The following STUM variants were observed in gnomAD, a reference collection of about 807,000 sequenced individuals.
The protein encoded by STUM is protein stum homolog.
In STUM, 8 loss-of-function variants were observed where a neutral mutation model predicts 15.3. That is an observed-to-expected ratio of 0.52 (90% confidence interval 0.31 to 0.94). STUM has a LOEUF of 0.94. STUM is among the 40% of genes least tolerant of loss of function. The pLI, the probability that STUM is intolerant of heterozygous loss-of-function variation, is 0.05. For missense variants in STUM, 142 were observed against 204.9 expected (o/e 0.69, Z 1.87); for synonymous variants, 78 against 88.7 (o/e 0.88, Z 0.68).
At chr1:226,566,636 C>T (rs1667630608) in intron 1 of STUM, among the ~76,000 whole-genome samples, 1 of 152,132 alleles carries the variant, frequency 6.6e-6, no homozygotes, top group Admixed American at 6.5e-5. Context: ...AAAGTGCAAC[C>T]TCTTAATAGA....
intron 1 of STUM, among the ~76,000 whole-genome samples, chr1:226,589,567 TG>T (rs2102706996): frequency 6.6e-6 from 1 of 152,346 alleles, no homozygotes; most frequent in Admixed American, 6.5e-5. Context: ...AGGCCTCTGC[TG>T]CCTGCCTTTC....
intron 1 of STUM, among the ~76,000 whole-genome samples, chr1:226,550,132 A>G (rs1213974986): frequency 6.6e-6 from 1 of 152,176 alleles, no homozygotes; most frequent in Non-Finnish European, 1.5e-5. Flanking sequence ...CCTGTTGCCA[A>G]CGTATGGTTC....
At chr1:226,570,844 T>C (rs1558280796) in intron 1 of STUM, among the ~76,000 whole-genome samples, 1 of 152,232 alleles carries the variant, frequency 6.6e-6, no homozygotes. Flanking sequence ...CTCAGAATAA[T>C]GGTTTTTTTA....
At chr1:226,583,415 T>G (rs974946477) in intron 1 of STUM, among the ~76,000 whole-genome samples, 1 of 152,252 alleles carries the variant, frequency 6.6e-6, no homozygotes, top group African/African-American at 2.4e-5. Flanking sequence ...TAACTTCTAA[T>G]GAGTGCTCGG....
chr1:226,599,861 C>T (rs1295111215), intron 2 of STUM, among the ~76,000 whole-genome samples: 1 of 152,222 alleles, frequency 6.6e-6, no homozygotes, highest in African/African-American at 2.4e-5. Flanking sequence ...CACATGTTCT[C>T]AGCACAGGGC....
At chr1:226,558,752 T>C (rs991103262) in intron 1 of STUM, among the ~76,000 whole-genome samples, 1 of 152,210 alleles carries the variant, frequency 6.6e-6, no homozygotes, top group African/African-American at 2.4e-5. Flanking sequence ...TATTTTACAA[T>C]AAAAATTAGA....
At chr1:226,562,993 C>T (rs1243710242) in intron 1 of STUM, among the ~76,000 whole-genome samples, 1 of 152,090 alleles carries the variant, frequency 6.6e-6, no homozygotes, top group African/African-American at 2.4e-5. Flanking sequence ...GCAGCTTATT[C>T]ACAAATGGTT....
At chr1:226,579,393 CA>C (rs1204159289) in intron 1 of STUM, among the ~76,000 whole-genome samples, 1 of 152,178 alleles carries the variant, frequency 6.6e-6, no homozygotes, top group African/African-American at 2.4e-5. Flanking sequence ...GCTGGGAATA[CA>C]GTGGTATCAG....
At chr1:226,564,997 A>G (rs1571797353) in intron 1 of STUM, among the ~76,000 whole-genome samples, 1 of 151,926 alleles carries the variant, frequency 6.6e-6, no homozygotes, top group South Asian at 2.1e-4. Flanking sequence ...CCTGCTCTGG[A>G]CCCGAGGAGG....
At chr1:226,578,898 A>C (rs757491390) in intron 1 of STUM, among the ~76,000 whole-genome samples, 20 of 152,178 alleles carry the variant, frequency 1.3e-4, no homozygotes, top group South Asian at 2.1e-4. Context: ...AAAAAGTCAC[A>C]CTGAAGTATT....
chr1:226,560,789 G>A (rs984782026), intron 1 of STUM, among the ~76,000 whole-genome samples: 11 of 152,298 alleles, frequency 7.2e-5, no homozygotes, highest in Middle Eastern at 3.4e-3. Flanking sequence ...TCTGTTAGCA[G>A]ACTAAGCACA....
intron 1 of STUM, among the ~76,000 whole-genome samples, chr1:226,586,911 A>C (rs1340176096): frequency 6.6e-6 from 1 of 152,170 alleles, no homozygotes; most frequent in African/African-American, 2.4e-5. Context: ...CCTGGCCATT[A>C]CACAACCACC....
chr1:226,590,882 C>T (rs1269280275), intron 1 of STUM, among the ~76,000 whole-genome samples: 1 of 152,232 alleles, frequency 6.6e-6, no homozygotes, highest in Admixed American at 6.5e-5. Context: ...TGAAGTCTTT[C>T]CTGCTACGGC....
chr1:226,577,674 G>A (rs1203902649), intron 1 of STUM, among the ~76,000 whole-genome samples: 1 of 152,188 alleles, frequency 6.6e-6, no homozygotes, highest in Non-Finnish European at 1.5e-5. Context: ...GGGAGTAAGG[G>A]CAACTGAAAG....
intron 1 of STUM, among the ~76,000 whole-genome samples, chr1:226,573,189 A>G (rs990565670): frequency 6.6e-6 from 1 of 152,216 alleles, no homozygotes; most frequent in African/African-American, 2.4e-5. Flanking sequence ...TCGGTCTGCC[A>G]TTCCTGACCG....
chr1:226,559,756 G>A (rs993072200), intron 1 of STUM, among the ~76,000 whole-genome samples: 1 of 152,186 alleles, frequency 6.6e-6, no homozygotes, highest in Non-Finnish European at 1.5e-5. Flanking sequence ...GGAGGATCAC[G>A]AGGTCAGGAG....
At chr1:226,573,351 C>T (rs1014075774) in intron 1 of STUM, among the ~76,000 whole-genome samples, 5 of 152,188 alleles carry the variant, frequency 3.3e-5, no homozygotes, top group African/African-American at 9.7e-5. Context: ...TTAGTCACGA[C>T]TCTTTCAGTT....
intron 1 of STUM, among the ~76,000 whole-genome samples, chr1:226,559,503 G>A (rs1490569167): frequency 3.3e-5 from 5 of 152,122 alleles, no homozygotes; most frequent in African/African-American, 9.7e-5. Context: ...TGAACACACC[G>A]CTGTTAATGA....
intron 1 of STUM, among the ~76,000 whole-genome samples, chr1:226,559,969 G>A (rs1397922914): frequency 2.1e-4 from 13 of 61,170 alleles, no homozygotes; most frequent in Non-Finnish European, 2.9e-4. Flanking sequence ...GCAAGACTCC[G>A]TCTCAAAAAA....
Sources: gnomAD v4.1 joint callset for allele counts (sites outside exome capture counted in the v4.1 genomes callset) on GRCh38, gnomAD v4.1.1 for gene constraint, MANE v1.5 for transcripts, NCBI Gene and HGNC (gene_info 2026-07-23, HGNC 2026-07-21) for gene names.